The following PLA2G5 variants were observed in gnomAD, a reference collection of about 807,000 sequenced individuals.
PLA2G5 encodes the protein Ca2+-dependent phospholipase A2.
A neutral mutation model predicts 15.9 loss-of-function variants in PLA2G5; 12 were observed. That is an observed-to-expected ratio of 0.76 (90% CI 0.48 to 1.23). The LOEUF (loss-of-function observed/expected upper bound fraction) is 1.23. Ranked by LOEUF, PLA2G5 falls within the 50% of genes most tolerant of loss-of-function variation. PLA2G5 has a pLI of 0.00. For synonymous variants in PLA2G5, 71 were observed against 71.4 expected, an observed-to-expected ratio of 0.99 and a Z score of 0.03; for missense variants, 169 against 177.1, an observed-to-expected ratio of 0.95 and a Z score of 0.26.
intron 1 of PLA2G5, among the ~76,000 whole-genome samples, chr1:20,077,185 G>C (rs1344992459): frequency 1.3e-5 from 2 of 152,222 alleles, no homozygotes; most frequent in East Asian, 3.8e-4. Flanking sequence ...GCCCTCAAGA[G>C]GCTTCCATTC....
intron 1 of PLA2G5, among the ~76,000 whole-genome samples, chr1:20,039,730 T>G (rs1458104669): frequency 6.6e-6 from 1 of 152,154 alleles, no homozygotes; most frequent in African/African-American, 2.4e-5. Context: ...GAACTTTACA[T>G]ACTGACTGTG....
At chr1:20,030,278 G>T (rs1365594552) in intron 1 of PLA2G5, among the ~76,000 whole-genome samples, 2 of 151,990 alleles carry the variant, frequency 1.3e-5, no homozygotes, top group Non-Finnish European at 2.9e-5. Flanking sequence ...GAGAGGGTCA[G>T]CAGGGAAACA....
intron 2 of PLA2G5, 107 bp downstream of exon 2, chr1:20,084,977 T>G (rs2016210963): frequency 9.6e-6 from 8 of 830,820 alleles, no homozygotes; most frequent in Non-Finnish European, 1.7e-5. Context: ...GGTTTGAATC[T>G]CGGCTCTGCA....
intron 1 of PLA2G5, among the ~76,000 whole-genome samples, chr1:20,077,219 G>A (rs2015736733): frequency 6.6e-6 from 1 of 152,224 alleles, no homozygotes; most frequent in African/African-American, 2.4e-5. Flanking sequence ...AGTGGCTGGG[G>A]CATCTTTAAT....
chr1:20,070,652 G>A (rs2015316455), intron 1 of PLA2G5, among the ~76,000 whole-genome samples, 187 bp downstream of exon 1: 1 of 152,130 alleles, frequency 6.6e-6, no homozygotes, highest in African/African-American at 2.4e-5. Flanking sequence ...TGTCAGGCCT[G>A]GAGAGCGGGC....
At chr1:20,066,347 G>A (rs1164682126), upstream of PLA2G5, among the ~76,000 whole-genome samples, 1 of 152,176 alleles carries the variant, frequency 6.6e-6, no homozygotes, top group Non-Finnish European at 1.5e-5. Flanking sequence ...TGTTTTGGAA[G>A]CATTTCTCTT....
intron 1 of PLA2G5, among the ~76,000 whole-genome samples, chr1:20,040,938 C>T (rs995189353): frequency 6.6e-6 from 1 of 152,112 alleles, no homozygotes; most frequent in Admixed American, 6.6e-5. Context: ...CTTTCTGGAC[C>T]GAGCCAGTGT....
Position 20,083,414 on chromosome 1 carries a change from A to G in PLA2G5, c.-10-1407A>G, listed in dbSNP as rs185313776. 3.6e-4 allele frequency among the ~76,000 whole-genome samples: 55 copies of G among 151,972 alleles called. No homozygotes were observed. In the East Asian group the frequency reaches 9.3e-3, roughly 26 times the overall value. On this transcript the variant is annotated intron_variant, in intron 1 of 4. Transcript: ENST00000375108. The stretch of plus-strand genomic sequence containing the variant: ...GGGGTTCAGGTAGAGCTCTGGCACA[A>G]GCGACCGTTCAACTCAGGGACTTGA...
intron 1 of PLA2G5, among the ~76,000 whole-genome samples, chr1:20,058,697 G>C (rs565604373): frequency 5.9e-5 from 9 of 152,148 alleles, no homozygotes; most frequent in Admixed American, 3.3e-4. Context: ...TGTAGGAGGG[G>C]TGTTAAATTC....
intron 1 of PLA2G5, among the ~76,000 whole-genome samples, chr1:20,043,204 T>C (rs1438084492): frequency 6.6e-6 from 1 of 151,312 alleles, no homozygotes; most frequent in Non-Finnish European, 1.5e-5. Context: ...TGGAGGGAGG[T>C]ATTGAGGACA....
Position 20,045,312 on chromosome 1 carries a change from C to T in PLA2G5, n.277-14320C>T, listed in dbSNP as rs191930119. On this transcript the variant is annotated intron_variant and non_coding_transcript_variant, in intron 1 of 6. Transcript: ENST00000460175. Reference sequence around the variant, plus strand: ...AGTGGTTGGTGGTGGTACTTGCCCCCCTGGGGAGGTGGTGCTTGCTACCAA... The same window carrying T: ...AGTGGTTGGTGGTGGTACTTGCCCCTCTGGGGAGGTGGTGCTTGCTACCAA... Among the ~76,000 whole-genome samples the T allele has an allele frequency of 3.9e-3, 588 of 152,044 alleles. 7 individuals are homozygous for T. Among genetic ancestry groups the T allele is most frequent in the African/African-American group, 0.013 (549 of 41,478 alleles).
At chr1:20,088,120 G>A (rs535636679) in intron 3 of PLA2G5, among the ~76,000 whole-genome samples, 107 of 150,730 alleles carry the variant, frequency 7.1e-4, no homozygotes, top group African/African-American at 2.5e-3. Flanking sequence ...CACTTTGGGA[G>A]GCCAAGACAG....
chr1:20,067,982 G>A (rs1471648054), upstream of PLA2G5, among the ~76,000 whole-genome samples: 2 of 152,070 alleles, frequency 1.3e-5, no homozygotes, highest in African/African-American at 4.8e-5. Context: ...AGCCAGGCAT[G>A]GTGACAGGCC....
In PLA2G5 at chr1:20,047,309, C is replaced by T. The variant is rs143761063; in HGVS notation, n.277-12323C>T. On this transcript the variant is annotated intron_variant and non_coding_transcript_variant, in intron 1 of 6. Transcript: ENST00000460175. ...TGCCCACAAGCAAGCACACATTGAT[C>T]CACCACACAAAAACCCTAAGCCACA... is the stretch of plus-strand genomic sequence containing the variant. Among the ~76,000 whole-genome samples the T allele has an allele frequency of 2.8e-3, 432 of 151,924 alleles. 2 individuals carry two copies. Among genetic ancestry groups the T allele is most frequent in the African/African-American group, 9.2e-3 (380 of 41,416 alleles).
chr1:20,035,567 G>A (rs1446235790), intron 1 of PLA2G5, among the ~76,000 whole-genome samples: 5 of 152,106 alleles, frequency 3.3e-5, no homozygotes, highest in African/African-American at 1.2e-4. Flanking sequence ...CCATCTTCAT[G>A]GAATATCTTT....
intron 1 of PLA2G5, among the ~76,000 whole-genome samples, chr1:20,075,776 C>T (rs1569789778): frequency 6.6e-6 from 1 of 152,156 alleles, no homozygotes; most frequent in South Asian, 2.1e-4. Context: ...TTGGCAATGG[C>T]CAGTTGTTGC....
intron 1 of PLA2G5, among the ~76,000 whole-genome samples, chr1:20,036,017 G>A (rs4654809): frequency 0.49 from 74,142 of 151,858 alleles, 18,494 homozygotes; most frequent in Non-Finnish European, 0.56. Flanking sequence ...TGCTAGATAC[G>A]AGATTCTTGG....
intron 1 of PLA2G5, among the ~76,000 whole-genome samples, chr1:20,058,380 C>T (rs956720727): frequency 1.3e-5 from 2 of 152,086 alleles, no homozygotes; most frequent in Admixed American, 6.5e-5. Context: ...ATGTAAATGC[C>T]CCTCTTTATT....
At position 20,090,646 on chromosome 1, in the gene PLA2G5, G is replaced by A. The variant is rs1416647199; in HGVS notation, c.371G>A (p.Ser124Asn). The change falls in exon 5 of 5, where the codon AGC (serine) becomes AAC (asparagine). Residue 124 changes from serine to asparagine, a missense_variant. By Grantham distance (46) the Ser-to-Asn change is conservative. Coordinates refer to ENST00000375108, the MANE Select transcript of PLA2G5 (RefSeq NM_000929.3). ...LVYCLKRNLR[S>N]YNPQYQYFPN... is the part of the protein sequence containing the mutation. ...TACTGCCTCAAGAGAAACCTACGGA[G>A]CTACAACCCACAGTACCAATACTTT... 6.2e-7 allele frequency: 1 copy of A among 1,614,074 alleles called. No homozygotes were observed. Among genetic ancestry groups the A allele is most frequent in the East Asian group, 2.2e-5 (1 of 44,882 alleles).
Sources: gnomAD v4.1 joint callset for allele counts (sites outside exome capture counted in the v4.1 genomes callset) on GRCh38, gnomAD v4.1.1 for gene constraint, MANE v1.5 for transcripts, NCBI Gene and HGNC (gene_info 2026-07-23, HGNC 2026-07-21) for gene names.